The following HS3ST5 variants were observed in gnomAD, a reference collection of about 807,000 sequenced individuals.
HS3ST5 encodes heparan sulfate glucosamine 3-O-sulfotransferase 5.
Under a neutral mutation model 25.4 loss-of-function variants are expected in HS3ST5, and 10 were observed. The observed-to-expected ratio is 0.39, with a 90% CI of 0.24 to 0.67. The LOEUF (loss-of-function observed/expected upper bound fraction) is 0.67, where lower values mean the gene tolerates loss of function less well. Ranked by LOEUF, HS3ST5 falls within the 30% of genes least tolerant of loss-of-function variation. The pLI is 0.44. For missense variants in HS3ST5, 324 were observed against 420.7 expected (o/e 0.77, Z 2.01); for synonymous variants, 170 against 162.4 (o/e 1.05, Z -0.36).
intron 1 of HS3ST5, among the ~76,000 whole-genome samples, chr6:114,285,845 T>A (rs1403246633): frequency 6.6e-6 from 1 of 152,022 alleles, no homozygotes; most frequent in East Asian, 1.9e-4. Context: ...AAAAAAATTA[T>A]AGTACATTTA....
chr6:114,312,048 G>GAGCA (rs1775557300), intron 1 of HS3ST5, among the ~76,000 whole-genome samples: 1 of 152,130 alleles, frequency 6.6e-6, no homozygotes, highest in African/African-American at 2.4e-5. Flanking sequence ...GTTCTACCTA[G>GAGCA]AGCATTCTTG....
At chr6:114,128,778 A>G (rs1777177815) in intron 3 of HS3ST5, among the ~76,000 whole-genome samples, 1 of 152,230 alleles carries the variant, frequency 6.6e-6, no homozygotes, top group South Asian at 2.1e-4. Flanking sequence ...AGAGTAAGCA[A>G]TGAGCTCCAG....
intron 3 of HS3ST5, among the ~76,000 whole-genome samples, chr6:114,091,178 A>C (rs1408248109): frequency 6.6e-6 from 1 of 152,230 alleles, no homozygotes. Context: ...TTGTAGGATT[A>C]ATAAGTCATG....
At position 114,056,317 on chromosome 6, in the gene HS3ST5, T is replaced by A. The variant is rs1213600333; in HGVS notation, c.*940A>T. On this transcript the variant is annotated 3_prime_UTR_variant, in exon 5 of 5. Transcript: ENST00000312719. ...TTTTAATATACTCAACCTCACTTCA[T>A]AAATACATTTTCACTGGGGTACAGA... 1 of 152,082 alleles carries A rather than the reference T, an allele frequency of 6.6e-6. No individual in the cohort carries two copies. Among genetic ancestry groups the A allele is most frequent in the Non-Finnish European group, 1.5e-5 (1 of 68,030 alleles). The allele number at this position is 152,082 out of a possible 1,614,324, so 9.4% of individuals were successfully genotyped here.
At chr6:114,255,962 A>G (rs1772889894) in intron 1 of HS3ST5, among the ~76,000 whole-genome samples, 1 of 152,220 alleles carries the variant, frequency 6.6e-6, no homozygotes, top group South Asian at 2.1e-4. Context: ...ATGCAAATTT[A>G]TGCAGCTGGC....
intron 3 of HS3ST5, among the ~76,000 whole-genome samples, chr6:114,146,433 T>G (rs899028951): frequency 1.3e-5 from 2 of 151,738 alleles, no homozygotes; most frequent in Admixed American, 1.3e-4. Flanking sequence ...CCCAAAGGAG[T>G]GTTTCTCTCT....
chr6:114,337,760 G>T (rs1776665398), intron 1 of HS3ST5, among the ~76,000 whole-genome samples: 1 of 151,778 alleles, frequency 6.6e-6, no homozygotes, highest in Admixed American at 6.6e-5. Context: ...GCTCCCCACT[G>T]GGCCCTCTAT....
chr6:114,273,460 T>A (rs773065644), intron 1 of HS3ST5, among the ~76,000 whole-genome samples: 11 of 152,008 alleles, frequency 7.2e-5, no homozygotes, highest in African/African-American at 9.7e-5. Context: ...AGCCTATTGA[T>A]GGTATTTAAG....
intron 1 of HS3ST5, among the ~76,000 whole-genome samples, chr6:114,316,647 G>C (rs866979747): frequency 2.0e-5 from 3 of 152,120 alleles, no homozygotes; most frequent in Admixed American, 6.5e-5. Context: ...ATACTTGCCA[G>C]ATATTTACAC....
At chr6:114,202,758 T>C (rs1402611427) in intron 2 of HS3ST5, among the ~76,000 whole-genome samples, 1 of 152,178 alleles carries the variant, frequency 6.6e-6, no homozygotes, top group Non-Finnish European at 1.5e-5. Flanking sequence ...TATTGTTCTA[T>C]AAATAATTTA....
At chr6:114,152,782 C>T (rs1778519782) in intron 3 of HS3ST5, among the ~76,000 whole-genome samples, 1 of 152,170 alleles carries the variant, frequency 6.6e-6, no homozygotes, top group South Asian at 2.1e-4. Flanking sequence ...AGCAGTCAGG[C>T]CCTGTCTCTA....
intron 1 of HS3ST5, among the ~76,000 whole-genome samples, chr6:114,327,006 T>C (rs1243677597): frequency 6.6e-6 from 1 of 152,184 alleles, no homozygotes; most frequent in African/African-American, 2.4e-5. Flanking sequence ...CCCATTTGGA[T>C]ACTTACATTT....
intron 3 of HS3ST5, among the ~76,000 whole-genome samples, chr6:114,077,262 A>G (rs1774190323): frequency 1.3e-5 from 2 of 152,232 alleles, no homozygotes; most frequent in Admixed American, 1.3e-4. Context: ...CTCATTTAGT[A>G]GAATGATGTC....
intron 1 of HS3ST5, among the ~76,000 whole-genome samples, chr6:114,284,118 G>C (rs1774238121): frequency 6.6e-6 from 1 of 151,912 alleles, no homozygotes; most frequent in African/African-American, 2.4e-5. Flanking sequence ...ATGATAAAAT[G>C]ATTATATACT....
intron 1 of HS3ST5, among the ~76,000 whole-genome samples, chr6:114,328,722 C>A (rs1776272810): frequency 6.6e-6 from 1 of 152,124 alleles, no homozygotes; most frequent in Admixed American, 6.5e-5. Flanking sequence ...ATCTGCTTTG[C>A]TAATTAAATG....
Position 114,135,503 on chromosome 6 carries a change from C to T in HS3ST5, c.-33+32848G>A, listed in dbSNP as rs184482206. On this transcript the variant is annotated intron_variant, in intron 3 of 4. Coordinates refer to ENST00000312719, the MANE Select transcript of HS3ST5 (RefSeq NM_153612.4). ...AATGAACACCAGTAACCCACAGAAC[C>T]GGAGCTGGAACAGACAGGCGGGTGC... 1.6e-3 allele frequency among the ~76,000 whole-genome samples: 242 copies of T among 152,246 alleles called. 1 individual carries two copies. The highest frequency in any genetic ancestry group is 5.4e-3 in the African/African-American group (223 of 41,538).
rs546067793 is a variant in HS3ST5, at chr6:114,307,607, T to C, written c.-339+34588A>G. ...ATAAAGTAATGCATAACATACGCAA[T>C]TCCTATTTTGACTTATCTCTTTGTA... On this transcript the variant is annotated intron_variant, in intron 1 of 4. Transcript: ENST00000312719. Among the ~76,000 whole-genome samples, 100 of 152,224 alleles carry C rather than the reference T, an allele frequency of 6.6e-4. 1 individual carries two copies. Among genetic ancestry groups the C allele is most frequent in the African/African-American group, 2.3e-3 (97 of 41,548 alleles).
intron 3 of HS3ST5, among the ~76,000 whole-genome samples, chr6:114,081,759 G>C (rs926026922): frequency 6.6e-6 from 1 of 152,056 alleles, no homozygotes; most frequent in African/African-American, 2.4e-5. Flanking sequence ...CCCTATATGG[G>C]ACATTATTTT....
In HS3ST5 at chr6:114,161,418, CT is replaced by C. The variant is rs1778939628; in HGVS notation, c.-33+6932del. 2.7e-5 allele frequency among the ~76,000 whole-genome samples: 4 copies of C among 145,574 alleles called. No individual in the cohort carries two copies. In the South Asian group the frequency reaches 8.9e-4, roughly 32 times the overall value. ...TAGATCATAAATATTTTTAACAATG[CT>C]AAGTGGAGAATGAATTAATATTAGA... On this transcript the variant is annotated intron_variant, in intron 3 of 4. Coordinates refer to ENST00000312719, the MANE Select transcript of HS3ST5 (RefSeq NM_153612.4).
Sources: allele counts gnomAD v4.1 joint callset (sites outside exome capture counted in the v4.1 genomes callset), GRCh38; gene constraint gnomAD v4.1.1; transcripts MANE v1.5; gene names NCBI Gene and HGNC (gene_info 2026-07-23, HGNC 2026-07-21).